Variants in EGFR observed in about 807,000 individuals in gnomAD.
EGFR encodes epidermal growth factor receptor, also known as avian erythroblastic leukemia viral (v-erb-b) oncogene homolog.
In EGFR, 58 loss-of-function variants were observed where a neutral mutation model predicts 143.0. That is an observed-to-expected ratio of 0.41 (90% CI 0.33 to 0.50). EGFR has a LOEUF of 0.50. Among genes scored for constraint, EGFR ranks in the 20% least tolerant of loss-of-function variants. The probability of loss-of-function intolerance (pLI) is 0.39; values close to 1 mark genes in which losing one functional copy is unlikely to be tolerated. For missense variants in EGFR, 1,307 were observed against 1,579.0 expected, an observed-to-expected ratio of 0.83 and a Z score of 2.92; for synonymous variants, 613 against 594.4, an observed-to-expected ratio of 1.03 and a Z score of -0.45.
At chr7:55,073,669 G>A (rs1789966789) in intron 1 of EGFR, among the ~76,000 whole-genome samples, 1 of 152,204 alleles carries the variant, frequency 6.6e-6, no homozygotes, top group African/African-American at 2.4e-5. Context: ...GTCCCATGAG[G>A]AAACCAAGGA....
At chr7:55,159,442 G>A (rs952194539) in intron 11 of EGFR, among the ~76,000 whole-genome samples, 5 of 152,172 alleles carry the variant, frequency 3.3e-5, no homozygotes, top group African/African-American at 7.2e-5. Context: ...CCACCCAATA[G>A]CATCCTAGTG....
At chr7:55,145,233 T>C (rs1794701661) in intron 3 of EGFR, among the ~76,000 whole-genome samples, 1 of 152,220 alleles carries the variant, frequency 6.6e-6, no homozygotes, top group Admixed American at 6.5e-5. Context: ...CTCAGGTCTT[T>C]GGTCTGTTGT....
At position 55,205,811 on chromosome 7, in the gene EGFR, CT is replaced by C. The variant is rs78669011; in HGVS notation, c.*196del. 313 of 731,238 alleles carry C rather than the reference CT, an allele frequency of 4.3e-4. 1 individual carries two copies. The East Asian group carries it at 8.4e-3, about 20-fold the overall frequency. 45.3% of individuals were successfully genotyped at this position (731,238 alleles called of 1,614,324 possible). ...ATTTTGGGAAGTTGCATTCCTTTGT[CT>C]TCAAACTGTGAAGCATTTACAGAAA... On this transcript the variant is annotated 3_prime_UTR_variant, in exon 28 of 28. Transcript: ENST00000275493.
At chr7:55,127,418 G>A (rs1793592633) in intron 1 of EGFR, among the ~76,000 whole-genome samples, 1 of 152,152 alleles carries the variant, frequency 6.6e-6, no homozygotes, top group African/African-American at 2.4e-5. Flanking sequence ...CAAGTGGGAG[G>A]CATCTATATC....
chr7:55,199,720 G>A (rs1047667777), intron 23 of EGFR, among the ~76,000 whole-genome samples: 2 of 152,224 alleles, frequency 1.3e-5, no homozygotes, highest in African/African-American at 4.8e-5. Context: ...TTGTTGGGTA[G>A]TCACATGCAG....
chr7:55,140,607 G>T (rs557455916), intron 1 of EGFR, among the ~76,000 whole-genome samples: 2 of 152,300 alleles, frequency 1.3e-5, no homozygotes, highest in African/African-American at 4.8e-5. Flanking sequence ...CCACACAATT[G>T]TTCCAACTTG....
Position 55,128,870 on chromosome 7 carries a change from A to G in EGFR, c.89-13416A>G, listed in dbSNP as rs149879810. Among the ~76,000 whole-genome samples, 389 of 152,308 alleles carry G rather than the reference A, an allele frequency of 2.6e-3. 2 individuals are homozygous for G. The highest frequency in any genetic ancestry group is 7.7e-3 in the African/African-American group (319 of 41,570). On this transcript the variant is annotated intron_variant, in intron 1 of 27. Coordinates refer to ENST00000275493, the MANE Select transcript of EGFR (RefSeq NM_005228.5). Reference sequence around the variant, plus strand: ...GCAATTTACCGTCAGGCCTACTATTAATAGATGGAATACAGATTCCATTTT... The same window carrying G: ...GCAATTTACCGTCAGGCCTACTATTGATAGATGGAATACAGATTCCATTTT...
In EGFR at chr7:55,165,576, C is replaced by A. The variant is rs1056399562; in HGVS notation, c.1880+139C>A. ...ACTTAAGGTGTTTTGGTCCCCACAGCCATGCCAGTAGCAACTTGCTTGTGA... is the reference window on the plus strand; with the variant it reads ...ACTTAAGGTGTTTTGGTCCCCACAGACATGCCAGTAGCAACTTGCTTGTGA... On this transcript the variant is annotated intron_variant, in intron 15 of 27. Coordinates refer to ENST00000275493, the MANE Select transcript of EGFR (RefSeq NM_005228.5). 323 of 1,187,594 alleles carry A rather than the reference C, an allele frequency of 2.7e-4. 2 individuals carry two copies. The East Asian group carries it at 8.2e-3, about 30-fold the overall frequency. The allele number at this position is 1,187,594 out of a possible 1,614,324, so 73.6% of individuals were successfully genotyped here. A position where few individuals can be genotyped will look rare whatever the true frequency, so the allele number is the denominator to read the frequency against.
intron 1 of EGFR, among the ~76,000 whole-genome samples, chr7:55,088,555 C>A (rs921047868): frequency 2.6e-4 from 40 of 152,140 alleles, no homozygotes; most frequent in African/African-American, 9.7e-4. Context: ...AGATGCCTGG[C>A]ACATGCTTGT....
At chr7:55,041,995 C>T (rs1787923206) in intron 1 of EGFR, among the ~76,000 whole-genome samples, 1 of 152,150 alleles carries the variant, frequency 6.6e-6, no homozygotes, top group Non-Finnish European at 1.5e-5. Flanking sequence ...AGCTCAGAGA[C>T]ATATATTTCT....
rs2128973096 is a variant in EGFR at position 55,202,573 on chromosome 7, C to T, written c.3219C>T (p.Pro1073=). The change falls in exon 27 of 28, where the codon CCC becomes CCT. Residue 1073 remains proline (P), a synonymous_variant. Transcript: ENST00000275493. ...TCTTGCAGCGATACAGCTCAGACCC[C>T]ACAGGCGCCTTGACTGAGGACAGCA... The part of the protein sequence containing the change: ...DSFLQRYSSD[P]TGALTEDSID... 1 of 1,613,486 alleles carries T rather than the reference C, an allele frequency of 6.2e-7. No individual in the cohort carries two copies. Among genetic ancestry groups the T allele is most frequent in the Non-Finnish European group, 8.5e-7 (1 of 1,179,692 alleles).
intron 1 of EGFR, among the ~76,000 whole-genome samples, chr7:55,113,820 C>G (rs1562725699): frequency 6.6e-6 from 1 of 152,200 alleles, no homozygotes; most frequent in Admixed American, 6.5e-5. Context: ...TGGTTTCAAG[C>G]CCCATCCAAA....
At chr7:55,163,044 G>A (rs551035477) in intron 13 of EGFR, among the ~76,000 whole-genome samples, 42 of 152,208 alleles carry the variant, frequency 2.8e-4, no homozygotes, top group South Asian at 6.2e-4. Flanking sequence ...TGCCCGCCTC[G>A]GCCTCCCAAA....
At chr7:55,112,029 G>T (rs1443445085) in intron 1 of EGFR, among the ~76,000 whole-genome samples, 1 of 152,088 alleles carries the variant, frequency 6.6e-6, no homozygotes, top group Non-Finnish European at 1.5e-5. Context: ...GGAACTCCTG[G>T]CGTGACTGAG....
In EGFR at chr7:55,118,457, G is replaced by A. The variant is rs114628799; in HGVS notation, c.89-23829G>A. 4.3e-3 allele frequency among the ~76,000 whole-genome samples: 651 copies of A among 152,304 alleles called. 4 individuals are homozygous for A. Among genetic ancestry groups the A allele is most frequent in the African/African-American group, 0.014 (577 of 41,574 alleles). ...TGAAGGCACCATCCCAAAGACCAGA[G>A]TGGTAGAAGCAGGTGGACCAGCCTC... On this transcript the variant is annotated intron_variant, in intron 1 of 27. Transcript: ENST00000275493.
chr7:55,191,427 G>T (rs1169176904), intron 20 of EGFR, among the ~76,000 whole-genome samples: 1 of 151,660 alleles, frequency 6.6e-6, no homozygotes, highest in African/African-American at 2.4e-5. Context: ...GTAAGTTCAA[G>T]CCCAGGTCTC....
chr7:55,132,140 G>C (rs1342288890), intron 1 of EGFR, among the ~76,000 whole-genome samples: 2 of 151,936 alleles, frequency 1.3e-5, no homozygotes, highest in Non-Finnish European at 2.9e-5. Flanking sequence ...TTCTGCAGTA[G>C]AGATTGATTT....
chr7:55,043,124 G>A (rs943957380), intron 1 of EGFR, among the ~76,000 whole-genome samples: 6 of 152,148 alleles, frequency 3.9e-5, no homozygotes, highest in Non-Finnish European at 7.3e-5. Flanking sequence ...GCGCGTTCAA[G>A]GTGGCATGGC....
chr7:55,103,703 CA>C (rs1791957416), intron 1 of EGFR, among the ~76,000 whole-genome samples: 1 of 152,144 alleles, frequency 6.6e-6, no homozygotes, highest in Non-Finnish European at 1.5e-5. Context: ...CACATTCTTT[CA>C]AACATAAGAG....
Sources: gnomAD v4.1 joint callset for allele counts (sites outside exome capture counted in the v4.1 genomes callset) on GRCh38, gnomAD v4.1.1 for gene constraint, MANE v1.5 for transcripts, NCBI Gene and HGNC (gene_info 2026-07-23, HGNC 2026-07-21) for gene names.